Variants in STAB1 observed in about 807,000 individuals in gnomAD.
STAB1 encodes the protein stabilin 1, also known as stabilin-1.
A neutral mutation model predicts 332.4 loss-of-function variants in STAB1; 250 were observed. The observed-to-expected ratio is 0.75, with a 90% CI of 0.68 to 0.84. The LOEUF is 0.84. STAB1 is among the 40% of genes least tolerant of loss of function. The pLI is 0.00. For synonymous variants in STAB1, 1,475 were observed against 1,390.4 expected (o/e 1.06, Z -1.35); for missense variants, 3,249 against 3,489.7 (o/e 0.93, Z 1.74).
chr3:52,502,185 G>A lies in STAB1; in HGVS notation c.444G>A (p.Gln148=). 1 of 1,613,414 alleles carries A rather than the reference G, an allele frequency of 6.2e-7. No homozygotes were observed. Among genetic ancestry groups the A allele is most frequent in the Non-Finnish European group, 8.5e-7 (1 of 1,180,004 alleles). ...AAAACTTCCGCGGCTCAGCCTGCCA[G>A]GAGTGCCAAGACCCCAACCGGTTCG... ...CQENFRGSAC[Q]ECQDPNRFGP... is the part of the protein sequence containing the mutation. Residue 148 remains glutamine (Q), a synonymous_variant, in exon 5 of 69, where the codon CAG becomes CAA. Transcript: ENST00000321725.
intron 67 of STAB1, 36 bp from the exon 68 acceptor site, chr3:52,524,064 G>A: frequency 1.9e-6 from 3 of 1,612,802 alleles, no homozygotes; most frequent in Non-Finnish European, 2.5e-6. Context: ...GATCTCGCTT[G>A]AGGCGCCTCG....
chr3:52,501,383 A>C (rs1388471951), intron 2 of STAB1, 81 bp downstream of exon 2: 1 of 1,566,720 alleles, frequency 6.4e-7, no homozygotes, highest in Non-Finnish European at 8.7e-7. Flanking sequence ...ACAGGCCCAC[A>C]AAATGAGGAG....
intron 37 of STAB1, 86 bp from the exon 38 acceptor site, chr3:52,515,957 C>T (rs2078846604): frequency 1.4e-6 from 2 of 1,431,518 alleles, no homozygotes; most frequent in South Asian, 1.4e-5. Context: ...CTCCATGGCT[C>T]TGTGGCCCCG....
chr3:52,503,163 G>C, intron 7 of STAB1, 54 bp downstream of exon 7: 6 of 1,421,262 alleles, frequency 4.2e-6, no homozygotes, highest in Non-Finnish European at 5.8e-6. Context: ...CGGGGGCTGG[G>C]AGAGCATCCT....
At position 52,520,254 on chromosome 3, in the gene STAB1, G is replaced by A. The variant is rs773053476; in HGVS notation, c.5463G>A (p.Gly1821=). 2 of 1,613,160 alleles carry A rather than the reference G, an allele frequency of 1.2e-6. No individual in the cohort carries two copies. Among genetic ancestry groups the A allele is most frequent in the South Asian group, 2.2e-5 (2 of 91,090 alleles). The stretch of plus-strand genomic sequence containing the variant: ...TGGGCCCACTTCGAACCATGCATGG[G>A]ACCCCCATCTCTTTCTCCTGCAGCC... ...PNLGPLRTMH[G]TPISFSCSRT... Residue 1821 remains glycine (G), a synonymous_variant, in exon 52 of 69, where the codon GGG becomes GGA. Transcript: ENST00000321725.
rs142981468 is a variant in STAB1, at chr3:52,518,487, A to G, written c.4810-49A>G. 335 of 1,562,662 alleles carry G rather than the reference A, an allele frequency of 2.1e-4. No homozygotes were observed. In the African/African-American group the frequency reaches 3.8e-3, roughly 18 times the overall value. ...CAGGTCTTCCCCAGGAGATCCATGG[A>G]CGCCTCAGGCTTCTCCCATTCCACT... On this transcript the variant is annotated intron_variant, in intron 46 of 68. Transcript: ENST00000321725.
chr3:52,517,993 GAGTCGGCCTGGTAATGATGCCCA>G lies in STAB1; in HGVS notation c.4756_4761+17del, dbSNP rs775649607. 3 of 1,604,062 alleles carry G rather than the reference GAGTCGGCCTGGTAATGATGCCCA, an allele frequency of 1.9e-6. No homozygotes were observed. ...GGGGACGGCCTCACCTGCCGTGCCC[GAGTCGGCCTGGTAATGATGCCCA>G]AGTCAGACCCCTGATCTGGTCTTGG... On this transcript the variant is annotated splice_donor_variant and splice_donor_5th_base_variant and coding_sequence_variant and intron_variant, in exon 45 of 69. Coordinates refer to ENST00000321725, the MANE Select transcript of STAB1 (RefSeq NM_015136.3). LOFTEE classifies it high-confidence loss of function.
intron 1 of STAB1, among the ~76,000 whole-genome samples, chr3:52,498,263 G>A (rs1708188859): frequency 6.6e-6 from 1 of 152,222 alleles, no homozygotes; most frequent in Non-Finnish European, 1.5e-5. Context: ...GTCTGCGGGG[G>A]GTGTGGGGTT....
Position 52,503,477 on chromosome 3 carries a change from C to A in STAB1, c.828C>A (p.Cys276Ter), listed in dbSNP as rs1424776089. The A allele has an allele frequency of 6.2e-7, 1 of 1,613,820 alleles. No individual in the cohort carries two copies. The highest frequency in any genetic ancestry group is 1.1e-5 in the South Asian group (1 of 91,088). Residue 276 changes from cysteine (C) to a stop codon, truncating the protein, a stop_gained, in exon 8 of 69, where the codon TGC becomes TGA. Coordinates refer to ENST00000321725, the MANE Select transcript of STAB1 (RefSeq NM_015136.3). LOFTEE classifies it high-confidence loss of function. ...DGMVCLPKDP[C>*]TDNLGGCPSN... ...TGGTGTGTCTGCCCAAGGACCCATG[C>A]ACTGACAACCTTGGTGGCTGCCCCA...
In STAB1 at chr3:52,522,780, C is replaced by T. The variant is rs765414249; in HGVS notation, c.6750C>T (p.Gly2250=). The change falls in exon 62 of 69, where the codon GGC becomes GGT. Residue 2250 remains glycine (G), a synonymous_variant. Transcript: ENST00000321725. ...FPQLSAAQQL[G]FHLCLMGWLA... Reference sequence around the variant, plus strand: ...ATCCCCTCCTGTTCCTACAGCTGGGCTTCCACCTGTGCCTCATGGGCTGGC... The same window carrying T: ...ATCCCCTCCTGTTCCTACAGCTGGGTTTCCACCTGTGCCTCATGGGCTGGC... 7.4e-6 allele frequency: 12 copies of T among 1,613,000 alleles called. No individual in the cohort carries two copies. The highest frequency in any genetic ancestry group is 2.5e-6 in the Non-Finnish European group (3 of 1,179,976).
At chr3:52,503,618 G>T in intron 8 of STAB1, 78 bp downstream of exon 8, 1 of 1,571,864 alleles carries the variant, frequency 6.4e-7, no homozygotes, top group Non-Finnish European at 8.6e-7. Flanking sequence ...CAAGTCACAG[G>T]CCTTCTGGTA....
At chr3:52,501,982 G>T in intron 3 of STAB1, 24 bp from the exon 4 acceptor site, 1 of 1,610,912 alleles carries the variant, frequency 6.2e-7, no homozygotes. Flanking sequence ...TGGGCACAGA[G>T]CTGAGTACTG....
chr3:52,522,275 C>A, intron 59 of STAB1, 45 bp downstream of exon 59: 1 of 1,611,214 alleles, frequency 6.2e-7, no homozygotes, highest in Non-Finnish European at 8.5e-7. Flanking sequence ...GGAGGCCTGG[C>A]AGAACTTCCG....
chr3:52,510,595 G>T (rs1709227561), intron 25 of STAB1, 88 bp downstream of exon 25: 1 of 1,500,338 alleles, frequency 6.7e-7, no homozygotes, highest in Admixed American at 2.2e-5. Context: ...AGAGTCAGGT[G>T]CTCAGGGTCT....
rs985869712 is a variant in STAB1 at position 52,501,458 on chromosome 3, G to A, written c.215+156G>A. 6.7e-5 allele frequency: 84 copies of A among 1,256,794 alleles called. No homozygotes were observed. In the African/African-American group the frequency reaches 1.0e-3, roughly 15 times the overall value. The allele number at this position is 1,256,794 out of a possible 1,614,324, so 77.9% of individuals were successfully genotyped here. ...TGGTGGAGATAGGCGGGGAGGAAGG[G>A]GTAAAGGCGAGGGGCAGGAGGGGTT... On this transcript the variant is annotated intron_variant, in intron 2 of 68. Transcript: ENST00000321725.
intron 16 of STAB1, 55 bp downstream of exon 16, chr3:52,505,991 A>G: frequency 6.2e-7 from 1 of 1,606,374 alleles, no homozygotes; most frequent in Non-Finnish European, 8.5e-7. Context: ...GCCTGCCTGC[A>G]GGTTCTGGAC....
At position 52,508,291 on chromosome 3, in the gene STAB1, G is replaced by A. The variant is rs999590031; in HGVS notation, c.2167G>A (p.Gly723Ser). Reference sequence around the variant, plus strand: ...CTTATAGGAACAAGGCTGCTGCAAAGGTTTTTTCGGGCCTGACTGCACGCA... The same window carrying A: ...CTTATAGGAACAAGGCTGCTGCAAAAGTTTTTTCGGGCCTGACTGCACGCA... ...QTIMEQGCCKGFFGPDCTQCP... is the reference protein window; with the variant it reads ...QTIMEQGCCKSFFGPDCTQCP... Residue 723 changes from glycine to serine, a missense_variant, in exon 21 of 69, where the codon GGT becomes AGT. Gly to Ser is a moderately conservative substitution (Grantham distance 56). Coordinates refer to ENST00000321725, the MANE Select transcript of STAB1 (RefSeq NM_015136.3). The A allele has an allele frequency of 6.2e-7, 1 of 1,613,374 alleles. No individual in the cohort carries two copies. The highest frequency in any genetic ancestry group is 1.3e-5 in the African/African-American group (1 of 74,926).
intron 32 of STAB1, 24 bp downstream of exon 32, chr3:52,514,005 A>G (rs371430199): frequency 3.1e-6 from 5 of 1,593,678 alleles, no homozygotes; most frequent in Non-Finnish European, 4.3e-6. Flanking sequence ...GCAAGAGGGG[A>G]TGTGCCTGCT....
Position 52,508,766 on chromosome 3 carries a change from G to A in STAB1, c.2235+407G>A, listed in dbSNP as rs183452962. Reference sequence around the variant, plus strand: ...GAACCTGGGAGGCGGAGGTTGCAGTGAGCCAAGATTGCACCACTGCACTCC... The same window carrying A: ...GAACCTGGGAGGCGGAGGTTGCAGTAAGCCAAGATTGCACCACTGCACTCC... On this transcript the variant is annotated intron_variant, in intron 21 of 68. Transcript: ENST00000321725. 2.6e-4 allele frequency among the ~76,000 whole-genome samples: 39 copies of A among 152,130 alleles called. No individual in the cohort carries two copies. The East Asian group carries it at 3.9e-3, about 15-fold the overall frequency.
Sources: allele counts gnomAD v4.1 joint callset (sites outside exome capture counted in the v4.1 genomes callset), GRCh38; gene constraint gnomAD v4.1.1; transcripts MANE v1.5; gene names NCBI Gene and HGNC (gene_info 2026-07-23, HGNC 2026-07-21).